The following AP2A2 variants were observed in gnomAD, a reference collection of about 807,000 sequenced individuals.
AP2A2 encodes the protein adaptor related protein complex 2 subunit alpha 2.
Under a neutral mutation model 104.2 loss-of-function variants are expected in AP2A2, and 32 were observed. The observed-to-expected ratio is 0.31, with a 90% CI of 0.23 to 0.41. The LOEUF (loss-of-function observed/expected upper bound fraction) is 0.41. Among genes scored for constraint, AP2A2 ranks in the 10% least tolerant of loss-of-function variants. The pLI is 1.00. For synonymous variants in AP2A2, 539 were observed against 533.3 expected (o/e 1.01, Z -0.15); for missense variants, 912 against 1,261.0 (o/e 0.72, Z 4.19).
rs770131424 is a variant in AP2A2 at position 1,009,325 on chromosome 11, C to T, written c.2538-3C>T. 5 of 1,613,614 alleles carry T rather than the reference C, an allele frequency of 3.1e-6. No individual in the cohort carries two copies. The highest frequency in any genetic ancestry group is 1.1e-5 in the South Asian group (1 of 91,076). ...GAACACTCGCCTTTGCTGTTTCTCACAGTCCACAGCAGGAAGTGCAGAACA... is the reference window on the plus strand; with the variant it reads ...GAACACTCGCCTTTGCTGTTTCTCATAGTCCACAGCAGGAAGTGCAGAACA... On this transcript the variant is annotated splice_region_variant and splice_polypyrimidine_tract_variant and intron_variant, in intron 19 of 21. Transcript: ENST00000448903.
At chr11:975,452 G>A (rs1349527188) in intron 4 of AP2A2, among the ~76,000 whole-genome samples, 1 of 150,422 alleles carries the variant, frequency 6.6e-6, no homozygotes, top group Non-Finnish European at 1.5e-5. Context: ...GTAGCGGTGG[G>A]GTCCTCGGTC....
At chr11:977,819 G>A (rs1855101465) in intron 5 of AP2A2, among the ~76,000 whole-genome samples, 1 of 152,110 alleles carries the variant, frequency 6.6e-6, no homozygotes, top group African/African-American at 2.4e-5. Flanking sequence ...ATGAGAGGGT[G>A]AGAGTTGGCA....
chr11:954,386 A>G (rs1353768200), intron 1 of AP2A2, among the ~76,000 whole-genome samples: 1 of 151,938 alleles, frequency 6.6e-6, no homozygotes, highest in African/African-American at 2.4e-5. Context: ...GTATTTATGC[A>G]TGTGTGTGTA....
rs763730669 is a variant in AP2A2, at chr11:986,819, T to C, written c.997T>C (p.Leu333=). The change falls in exon 9 of 22, where the codon TTG becomes CTG. Residue 333 remains leucine, a synonymous_variant. Transcript: ENST00000448903. The part of the protein sequence containing the change: ...PNLLVRACNQ[L]GQFLQHRETN... Reference sequence around the variant, plus strand: ...CCTGCTCGTCCGTGCCTGCAACCAGTTGGGCCAGTTTCTGCAGCACCGCGA... The same window carrying C: ...CCTGCTCGTCCGTGCCTGCAACCAGCTGGGCCAGTTTCTGCAGCACCGCGA... 1.4e-5 allele frequency: 22 copies of C among 1,613,282 alleles called. No homozygotes were observed. The highest frequency in any genetic ancestry group is 1.7e-5 in the Non-Finnish European group (20 of 1,179,818).
chr11:982,578 C>T (rs1855285244), intron 6 of AP2A2, among the ~76,000 whole-genome samples: 1 of 151,094 alleles, frequency 6.6e-6, no homozygotes, highest in Non-Finnish European at 1.5e-5. Context: ...GTTCCTTTCT[C>T]TATCTAGTTT....
chr11:960,485 G>A (rs567033131), intron 2 of AP2A2, among the ~76,000 whole-genome samples: 103 of 152,250 alleles, frequency 6.8e-4, no homozygotes, highest in Non-Finnish European at 9.7e-4. Context: ...TGATCTGCCC[G>A]CCTCGGCCTC....
chr11:934,583 G>T (rs920363804), intron 1 of AP2A2, among the ~76,000 whole-genome samples: 5 of 152,104 alleles, frequency 3.3e-5, no homozygotes, highest in African/African-American at 1.2e-4. Context: ...CTAAGCTTTG[G>T]TGTCTGTCTA....
Position 992,430 on chromosome 11 carries a change from CTT to C in AP2A2, c.1270-71_1270-70del. On this transcript the variant is annotated intron_variant, in intron 10 of 21. Coordinates refer to ENST00000448903, the MANE Select transcript of AP2A2 (RefSeq NM_012305.4). The surrounding 1 kb of genome is among the most constrained non-coding windows in gnomAD (Gnocchi z 6.4). ...GGTGCTTCTGAAACTCTCACTTTGA[CTT>C]TGGACGACAGTTTGGTCTTGGGATT... is the stretch of plus-strand genomic sequence containing the variant. The C allele has an allele frequency of 6.8e-7, 1 of 1,475,154 alleles. No individual in the cohort carries two copies. The highest frequency in any genetic ancestry group is 1.2e-5 in the South Asian group (1 of 82,558). 91.4% of individuals were successfully genotyped at this position (1,475,154 alleles called of 1,614,324 possible).
At chr11:984,090 G>A (rs972881802) in intron 6 of AP2A2, among the ~76,000 whole-genome samples, 3 of 152,246 alleles carry the variant, frequency 2.0e-5, no homozygotes, top group African/African-American at 7.2e-5. Context: ...ACATCGGGCT[G>A]TATGTCAGTG....
chr11:970,765 T>G (rs913637796), intron 3 of AP2A2, among the ~76,000 whole-genome samples: 17 of 152,226 alleles, frequency 1.1e-4, no homozygotes, highest in African/African-American at 4.1e-4. Context: ...TGACGCACTG[T>G]CCCAAGTAGA....
chr11:978,702 G>T (rs1216260024), intron 5 of AP2A2, among the ~76,000 whole-genome samples: 1 of 152,180 alleles, frequency 6.6e-6, no homozygotes, highest in African/African-American at 2.4e-5. Flanking sequence ...ACCTCTGACA[G>T]CGAAGGCCTG....
chr11:951,526 CAAAA>C (rs75136030), intron 1 of AP2A2, among the ~76,000 whole-genome samples: 1 of 139,554 alleles, frequency 7.2e-6, no homozygotes, highest in South Asian at 2.3e-4. Context: ...GACTCCGTCT[CAAAA>C]AAAAAAAAAG....
chr11:975,048 G>A (rs930446349), intron 4 of AP2A2, among the ~76,000 whole-genome samples: 2 of 152,204 alleles, frequency 1.3e-5, no homozygotes, highest in African/African-American at 4.8e-5. Flanking sequence ...TGGTGTGTGT[G>A]TCACCTAGAA....
chr11:1,010,760 AC>A lies in AP2A2; in HGVS notation c.*137del. 1.3e-6 allele frequency: 1 copy of A among 750,020 alleles called. No homozygotes were observed. The highest frequency in any genetic ancestry group is 2.3e-6 in the Non-Finnish European group (1 of 427,554). 46.5% of individuals were successfully genotyped at this position (750,020 alleles called of 1,614,324 possible). On this transcript the variant is annotated 3_prime_UTR_variant, in exon 22 of 22. Coordinates refer to ENST00000448903, the MANE Select transcript of AP2A2 (RefSeq NM_012305.4). ...GCGCCTCCCCGCCCCGCCGCCCCAC[AC>A]CTCTCCCCTTTGGGCTGGACGGGAA...
At chr11:940,711 C>T in intron 1 of AP2A2, 1 of 422,638 alleles carries the variant, frequency 2.4e-6, no homozygotes, top group Non-Finnish European at 4.7e-6. Flanking sequence ...GTCTCTGGCC[C>T]ATGCTGTGAG....
chr11:986,191 C>T (rs945192442), intron 8 of AP2A2, among the ~76,000 whole-genome samples: 4 of 152,202 alleles, frequency 2.6e-5, no homozygotes, highest in African/African-American at 9.6e-5. Context: ...AGGGCACGTG[C>T]CAGGCTGTGG....
At chr11:977,906 C>T (rs183921255) in intron 5 of AP2A2, among the ~76,000 whole-genome samples, 15 of 152,228 alleles carry the variant, frequency 9.9e-5, no homozygotes, top group Admixed American at 3.9e-4. Flanking sequence ...GATAGAGGGC[C>T]GAGAATGCCA....
chr11:952,274 G>A (rs79576079), intron 1 of AP2A2, among the ~76,000 whole-genome samples: 1,928 of 152,284 alleles, frequency 0.013, 51 homozygotes, highest in East Asian at 0.076. Flanking sequence ...TCTGTCATAG[G>A]CTCCTTTACT....
At position 1,000,428 on chromosome 11, in the gene AP2A2, C is replaced by G. The variant is rs1457588356; in HGVS notation, c.1957-4C>G. On this transcript the variant is annotated splice_polypyrimidine_tract_variant and splice_region_variant and intron_variant, in intron 14 of 21. Coordinates refer to ENST00000448903, the MANE Select transcript of AP2A2 (RefSeq NM_012305.4). ...TGCTGATGCTCTCCTTCCTTCTCTTCCAGTCTACGCCTTCTCCGTCGGCAG... is the reference window on the plus strand; with the variant it reads ...TGCTGATGCTCTCCTTCCTTCTCTTGCAGTCTACGCCTTCTCCGTCGGCAG... 5.2e-6 allele frequency: 8 copies of G among 1,544,108 alleles called. No individual in the cohort carries two copies. In the South Asian group the frequency reaches 9.5e-5, roughly 18 times the overall value.
Sources: allele counts gnomAD v4.1 joint callset (sites outside exome capture counted in the v4.1 genomes callset), GRCh38; gene constraint gnomAD v4.1.1; non-coding constraint Gnocchi (gnomAD v3.1); transcripts MANE v1.5; gene names NCBI Gene and HGNC (gene_info 2026-07-23, HGNC 2026-07-21).